The following GPC6 variants were observed in gnomAD, a reference collection of about 807,000 sequenced individuals.
GPC6 encodes the protein glypican 6, also known as glypican-6.
In GPC6, 14 loss-of-function variants were observed where a neutral mutation model predicts 55.2. The observed-to-expected ratio is 0.25, with a 90% confidence interval of 0.17 to 0.40. The LOEUF (loss-of-function observed/expected upper bound fraction) is 0.40. Ranked by LOEUF, GPC6 falls within the 10% of genes least tolerant of loss-of-function variation. The probability of loss-of-function intolerance (pLI) is 1.00; values close to 1 mark genes in which losing one functional copy is unlikely to be tolerated. For missense variants in GPC6, 641 were observed against 708.5 expected (o/e 0.90, Z 1.08); for synonymous variants, 278 against 259.6 (o/e 1.07, Z -0.68).
At position 94,406,961 on chromosome 13, in the gene GPC6, T is replaced by G. The variant is rs189764885; in HGVS notation, c.*3744T>G. ...CAATTTAGCTTTGCCAACAGAAGAG[T>G]AAAGGAAACCATAACTTATAAATTT... On this transcript the variant is annotated 3_prime_UTR_variant, in exon 9 of 9. Coordinates refer to ENST00000377047, the MANE Select transcript of GPC6 (RefSeq NM_005708.5). The G allele has an allele frequency of 6.6e-6, 1 of 152,084 alleles. No individual in the cohort carries two copies. Among genetic ancestry groups the G allele is most frequent in the African/African-American group, 2.4e-5 (1 of 41,442 alleles). 9.4% of individuals were successfully genotyped at this position (152,084 alleles called of 1,614,324 possible).
At chr13:94,179,583 A>T (rs1264851088) in intron 4 of GPC6, among the ~76,000 whole-genome samples, 1 of 152,218 alleles carries the variant, frequency 6.6e-6, no homozygotes, top group Non-Finnish European at 1.5e-5. Context: ...AGTTAAAAAA[A>T]AATAAAAGTG....
intron 1 of GPC6, among the ~76,000 whole-genome samples, chr13:93,376,484 G>T (rs1874903967): frequency 6.6e-6 from 1 of 152,192 alleles, no homozygotes; most frequent in South Asian, 2.1e-4. Context: ...GCCTTAGTCA[G>T]TGGATAGTAT....
intron 2 of GPC6, among the ~76,000 whole-genome samples, chr13:93,721,991 C>A (rs373590251): frequency 2.6e-5 from 4 of 151,794 alleles, no homozygotes; most frequent in South Asian, 4.2e-4. Flanking sequence ...TTAAGATAAT[C>A]CTCTAAGCCT....
chr13:93,514,487 A>T (rs1881108894), intron 1 of GPC6, among the ~76,000 whole-genome samples: 1 of 152,210 alleles, frequency 6.6e-6, no homozygotes, highest in South Asian at 2.1e-4. Context: ...CTTGGAACAG[A>T]TAACTTTGAG....
chr13:93,344,439 G>T (rs1880365326), intron 1 of GPC6, among the ~76,000 whole-genome samples: 1 of 152,066 alleles, frequency 6.6e-6, no homozygotes, highest in South Asian at 2.1e-4. Context: ...TCTCTCTTGA[G>T]GGCAGCCAGT....
chr13:94,388,259 G>A (rs192802302), intron 7 of GPC6, among the ~76,000 whole-genome samples: 129 of 152,136 alleles, frequency 8.5e-4, no homozygotes, highest in Non-Finnish European at 1.2e-4. Flanking sequence ...CAATTTTGGG[G>A]GTTTCTTCAC....
At chr13:93,763,839 T>A (rs1377499800) in intron 2 of GPC6, among the ~76,000 whole-genome samples, 3 of 151,370 alleles carry the variant, frequency 2.0e-5, no homozygotes, top group African/African-American at 7.3e-5. Context: ...TTTTTTTTTT[T>A]TATCTAGGCC....
intron 3 of GPC6, among the ~76,000 whole-genome samples, chr13:93,902,540 C>A (rs1418753828): frequency 5.3e-5 from 8 of 152,114 alleles, no homozygotes; most frequent in Non-Finnish European, 8.8e-5. Context: ...GTATCTCTCA[C>A]ACTTATTGCC....
At chr13:94,025,702 A>G (rs781654808) in intron 3 of GPC6, 1 of 152,074 alleles carries the variant, frequency 6.6e-6, no homozygotes, top group Non-Finnish European at 1.5e-5. Context: ...ATACCCATTT[A>G]TTGTTTCTGT....
At chr13:93,614,844 G>A (rs1878648279) in intron 2 of GPC6, among the ~76,000 whole-genome samples, 1 of 152,066 alleles carries the variant, frequency 6.6e-6, no homozygotes, top group African/African-American at 2.4e-5. Flanking sequence ...GTTCCTAAAT[G>A]GAGTGAGGAA....
intron 2 of GPC6, among the ~76,000 whole-genome samples, chr13:93,567,011 G>T (rs1165974159): frequency 3.9e-5 from 6 of 152,252 alleles, no homozygotes; most frequent in Admixed American, 6.5e-5. Context: ...TGTGAACAGT[G>T]CTGTAATAAC....
chr13:93,931,286 C>T (rs1878157799), intron 3 of GPC6, among the ~76,000 whole-genome samples: 1 of 151,878 alleles, frequency 6.6e-6, no homozygotes, highest in Non-Finnish European at 1.5e-5. Context: ...ATTTTCATGA[C>T]AACTGGATTT....
At chr13:94,145,101 A>G (rs528379432) in intron 4 of GPC6, among the ~76,000 whole-genome samples, 3 of 151,948 alleles carry the variant, frequency 2.0e-5, no homozygotes, top group East Asian at 3.9e-4. Flanking sequence ...CCTAGCAAAC[A>G]CTCAACAAAT....
At position 93,718,573 on chromosome 13, in the gene GPC6, A is replaced by AACAACC. The variant is rs1387177664; in HGVS notation, c.320-111581_320-111580insACAACC. On this transcript the variant is annotated intron_variant, in intron 2 of 8. Transcript: ENST00000377047. ...TGTAGGTTGTCTGTTCACTCTGATG[A>AACAACC]TAGTTTATTTTGCTGTACAGAAGCT... Among the ~76,000 whole-genome samples, 10 of 151,916 alleles carry AACAACC rather than the reference A, an allele frequency of 6.6e-5. No individual in the cohort carries two copies. The South Asian group carries it at 1.7e-3, about 25-fold the overall frequency.
chr13:93,302,108 G>A (rs1878701564), intron 1 of GPC6, among the ~76,000 whole-genome samples: 2 of 152,160 alleles, frequency 1.3e-5, no homozygotes, highest in South Asian at 4.1e-4. Context: ...AAAGCTTTAT[G>A]AGGGCCTCTG....
chr13:94,207,557 C>T (rs1889942927), intron 4 of GPC6, among the ~76,000 whole-genome samples: 1 of 152,178 alleles, frequency 6.6e-6, no homozygotes. Flanking sequence ...GGCTTGCTCA[C>T]AAGGCAATAG....
At chr13:93,891,856 G>C (rs1875703103) in intron 3 of GPC6, among the ~76,000 whole-genome samples, 1 of 151,520 alleles carries the variant, frequency 6.6e-6, no homozygotes, top group Non-Finnish European at 1.5e-5. Flanking sequence ...TATATGTAGT[G>C]TGTATGTGTA....
chr13:94,343,820 C>G (rs1158066437), intron 6 of GPC6, among the ~76,000 whole-genome samples: 1 of 152,076 alleles, frequency 6.6e-6, no homozygotes, highest in African/African-American at 2.4e-5. Context: ...GCCTCAACTT[C>G]CCCAGGCTCA....
chr13:93,444,057 T>G (rs1877904161), intron 1 of GPC6, among the ~76,000 whole-genome samples: 1 of 152,176 alleles, frequency 6.6e-6, no homozygotes. Context: ...ATTCTCAAGA[T>G]TCCAGCAGAT....
Sources: gnomAD v4.1 joint callset for allele counts (sites outside exome capture counted in the v4.1 genomes callset) on GRCh38, gnomAD v4.1.1 for gene constraint, MANE v1.5 for transcripts, NCBI Gene and HGNC (gene_info 2026-07-23, HGNC 2026-07-21) for gene names.